Variants in MAP7 observed in about 807,000 individuals in gnomAD.
MAP7 encodes microtubule associated protein 7.
Under a neutral mutation model 94.8 loss-of-function variants are expected in MAP7, and 52 were observed. That is an observed-to-expected ratio of 0.55 (90% CI 0.44 to 0.69). The LOEUF is 0.69. MAP7 is among the 30% of genes least tolerant of loss of function. The pLI, the probability that MAP7 is intolerant of heterozygous loss-of-function variation, is 0.00. For synonymous variants in MAP7, 350 were observed against 357.0 expected (o/e 0.98, Z 0.22); for missense variants, 940 against 964.6 (o/e 0.97, Z 0.34).
At chr6:136,471,752 A>G (rs1271349158) in intron 1 of MAP7, among the ~76,000 whole-genome samples, 1 of 152,142 alleles carries the variant, frequency 6.6e-6, no homozygotes, top group Admixed American at 6.5e-5. Context: ...ACACTTCACA[A>G]AAGCAGACAA....
intron 16 of MAP7, among the ~76,000 whole-genome samples, chr6:136,347,662 T>A (rs959846614): frequency 6.6e-6 from 1 of 152,178 alleles, no homozygotes; most frequent in African/African-American, 2.4e-5. Flanking sequence ...CCCATCGGCC[T>A]CCCAAAGTGC....
chr6:136,396,983 C>A (rs1047512622), intron 3 of MAP7, among the ~76,000 whole-genome samples: 17 of 152,098 alleles, frequency 1.1e-4, no homozygotes, highest in Non-Finnish European at 2.5e-4. Flanking sequence ...ATTAGTTTTA[C>A]CCCAAATAAT....
At chr6:136,464,470 T>C (rs1046540905) in intron 1 of MAP7, among the ~76,000 whole-genome samples, 9 of 152,362 alleles carry the variant, frequency 5.9e-5, no homozygotes, top group Admixed American at 2.0e-4. Flanking sequence ...TTAGCTATTG[T>C]TGTTAATCTC....
At chr6:136,522,326 A>G (rs1040604057) in intron 1 of MAP7, among the ~76,000 whole-genome samples, 5 of 152,114 alleles carry the variant, frequency 3.3e-5, no homozygotes, top group Admixed American at 3.3e-4. Context: ...TACCGATTAC[A>G]TGGAAGAGTA....
At chr6:136,395,909 G>A (rs1782328582) in intron 3 of MAP7, among the ~76,000 whole-genome samples, 1 of 152,052 alleles carries the variant, frequency 6.6e-6, no homozygotes, top group Non-Finnish European at 1.5e-5. Context: ...TGTTCCATTG[G>A]TCTATGTGTC....
intron 1 of MAP7, among the ~76,000 whole-genome samples, chr6:136,453,210 G>A (rs1562417733): frequency 6.6e-6 from 1 of 152,158 alleles, no homozygotes; most frequent in Non-Finnish European, 1.5e-5. Context: ...AAACTAACAA[G>A]CCACTGGAAA....
chr6:136,424,781 A>G (rs989307264), intron 1 of MAP7, among the ~76,000 whole-genome samples: 2 of 152,226 alleles, frequency 1.3e-5, no homozygotes, highest in African/African-American at 4.8e-5. Flanking sequence ...TAGTCAAAAT[A>G]CTTGCTCTGA....
rs1168056122 is a variant in MAP7 at position 136,365,922 on chromosome 6, C to T, written c.1086G>A (p.Arg362=). 6.8e-6 allele frequency: 11 copies of T among 1,613,998 alleles called. No individual in the cohort carries two copies. Among genetic ancestry groups the T allele is most frequent in the Non-Finnish European group, 8.5e-6 (10 of 1,180,046 alleles). The change falls in exon 10 of 18, where the codon CGG becomes CGA. Residue 362 remains arginine (R), a synonymous_variant. Coordinates refer to ENST00000354570, the MANE Select transcript of MAP7 (RefSeq NM_003980.6). Reference sequence around the variant, plus strand: ...GGCGGATGTTGCCGGGGGATGGGGGCCGGACCTGAGCAGGAGCAGCTTTGA... The same window carrying T: ...GGCGGATGTTGCCGGGGGATGGGGGTCGGACCTGAGCAGGAGCAGCTTTGA... The part of the protein sequence containing the change: ...GSVKAAPAQV[R]PPSPGNIRPV...
At chr6:136,545,000 C>G (rs1562497343) in intron 1 of MAP7, among the ~76,000 whole-genome samples, 1 of 152,236 alleles carries the variant, frequency 6.6e-6, no homozygotes, top group Non-Finnish European at 1.5e-5. Context: ...GAGCCAAACT[C>G]AAACTTGGAA....
chr6:136,409,458 G>C (rs1340608256), intron 3 of MAP7, among the ~76,000 whole-genome samples: 1 of 152,206 alleles, frequency 6.6e-6, no homozygotes, highest in African/African-American at 2.4e-5. Context: ...AAGTTAAGCT[G>C]TAATAATAGA....
chr6:136,485,959 G>A (rs1289746220), intron 1 of MAP7, among the ~76,000 whole-genome samples: 1 of 151,824 alleles, frequency 6.6e-6, no homozygotes, highest in East Asian at 1.9e-4. Context: ...CACAAGTTGT[G>A]GACAAACATT....
At chr6:136,470,730 G>A (rs1808693718) in intron 1 of MAP7, among the ~76,000 whole-genome samples, 1 of 151,924 alleles carries the variant, frequency 6.6e-6, no homozygotes, top group African/African-American at 2.4e-5. Flanking sequence ...GGAGTAAAAG[G>A]GGTGTGTGTG....
At chr6:136,543,911 A>AT (rs1314956705) in intron 1 of MAP7, among the ~76,000 whole-genome samples, 1 of 151,898 alleles carries the variant, frequency 6.6e-6, no homozygotes, top group Admixed American at 6.6e-5. Flanking sequence ...AAAATCCGTA[A>AT]TTTTTTTTGC....
At chr6:136,501,499 C>T (rs898798884) in intron 1 of MAP7, among the ~76,000 whole-genome samples, 1 of 152,192 alleles carries the variant, frequency 6.6e-6, no homozygotes, top group Non-Finnish European at 1.5e-5. Flanking sequence ...AAGTGCTCCA[C>T]TCATGATGGT....
chr6:136,395,341 C>T (rs939298401), intron 3 of MAP7, among the ~76,000 whole-genome samples: 1 of 149,038 alleles, frequency 6.7e-6, no homozygotes, highest in East Asian at 1.9e-4. Flanking sequence ...TTGCAGATGC[C>T]TGTTGGTTAT....
chr6:136,468,297 G>C (rs1199655986), intron 1 of MAP7, among the ~76,000 whole-genome samples: 1 of 151,970 alleles, frequency 6.6e-6, no homozygotes, highest in African/African-American at 2.4e-5. Flanking sequence ...TCTATTATGT[G>C]TCAGATATTA....
intron 1 of MAP7, among the ~76,000 whole-genome samples, chr6:136,495,416 A>G (rs1336960079): frequency 1.3e-5 from 2 of 151,924 alleles, no homozygotes; most frequent in Non-Finnish European, 2.9e-5. Flanking sequence ...GTTTAAATAC[A>G]TAGGTTTATT....
chr6:136,368,714 A>C (rs1450064265), intron 8 of MAP7, among the ~76,000 whole-genome samples: 1 of 152,230 alleles, frequency 6.6e-6, no homozygotes, highest in East Asian at 1.9e-4. Context: ...AAAGATCTGC[A>C]TACTGAAAAC....
At chr6:136,457,021 A>C (rs577379180) in intron 1 of MAP7, among the ~76,000 whole-genome samples, 1 of 67,234 alleles carries the variant, frequency 1.5e-5, no homozygotes, top group African/African-American at 3.5e-5. Context: ...TCAATGAAAC[A>C]AAGTTTTTTT....
Sources: gnomAD v4.1 joint callset for allele counts (sites outside exome capture counted in the v4.1 genomes callset) on GRCh38, gnomAD v4.1.1 for gene constraint, MANE v1.5 for transcripts, NCBI Gene and HGNC (gene_info 2026-07-23, HGNC 2026-07-21) for gene names.